The following CAST variants were observed in gnomAD, a reference collection of about 807,000 sequenced individuals.
The protein encoded by CAST is calpastatin.
Under a neutral mutation model 119.6 loss-of-function variants are expected in CAST, and 76 were observed. That is an observed-to-expected ratio of 0.64 (90% CI 0.53 to 0.77). CAST has a LOEUF of 0.77. Ranked by LOEUF, CAST falls within the 30% of genes least tolerant of loss-of-function variation. The pLI is 0.00. For synonymous variants in CAST, 319 were observed against 331.6 expected (o/e 0.96, Z 0.41); for missense variants, 953 against 946.5 (o/e 1.01, Z -0.09).
At chr5:96,726,936 C>T in intron 5 of CAST, 77 bp downstream of exon 5, 1 of 974,494 alleles carries the variant, frequency 1.0e-6, no homozygotes, top group Non-Finnish European at 1.6e-6. Context: ...CTAATAACTG[C>T]AATTCACAGT....
intron 16 of CAST, among the ~76,000 whole-genome samples, chr5:96,745,943 T>C (rs554380030): frequency 6.6e-6 from 1 of 152,350 alleles, no homozygotes; most frequent in Non-Finnish European, 1.5e-5. Context: ...AACTAACTGC[T>C]GCACTGTGCT....
intron 20 of CAST, among the ~76,000 whole-genome samples, chr5:96,753,493 C>T (rs1193614359): frequency 1.3e-5 from 2 of 152,156 alleles, no homozygotes; most frequent in African/African-American, 2.4e-5. Context: ...TTTGAACAAT[C>T]GGACCACAGG....
the CAST span, among the ~76,000 whole-genome samples, chr5:96,137,311 A>G: frequency 1.3e-5 from 2 of 152,164 alleles, no homozygotes; most frequent in Non-Finnish European, 2.9e-5. Flanking sequence ...TGTGTATATA[A>G]GATTAATACA....
At chr5:96,458,485 T>C in the CAST span, among the ~76,000 whole-genome samples, 2 of 152,158 alleles carry the variant, frequency 1.3e-5, no homozygotes, top group African/African-American at 4.8e-5. Context: ...TTTCAGGTTT[T>C]TGCCAAGGAA....
chr5:96,012,081 AATAAT>A, the CAST span, among the ~76,000 whole-genome samples: 3 of 152,152 alleles, frequency 2.0e-5, no homozygotes, highest in Non-Finnish European at 4.4e-5. Context: ...AATTCAAAAT[AATAAT>A]GTAATATACA....
At chr5:96,278,214 CCTCATCTGTGGGGGAG>C in the CAST span, among the ~76,000 whole-genome samples, 2 of 152,038 alleles carry the variant, frequency 1.3e-5, no homozygotes, top group Non-Finnish European at 2.9e-5. Flanking sequence ...TCTAGCCTTC[CCTCATCTGTGGGGGAG>C]TGGTTTGTAT....
At chr5:96,001,205 G>A in the CAST span, among the ~76,000 whole-genome samples, 4 of 152,156 alleles carry the variant, frequency 2.6e-5, no homozygotes, top group African/African-American at 9.7e-5. Flanking sequence ...ACACTGTGAG[G>A]CACTCTTAAG....
At chr5:96,497,523 T>C in the CAST span, among the ~76,000 whole-genome samples, 1 of 151,864 alleles carries the variant, frequency 6.6e-6, no homozygotes, top group South Asian at 2.1e-4. Context: ...CCAGCACCTG[T>C]TGTTTCCTGA....
chr5:96,588,157 A>G (rs1377839155), intron 1 of CAST, among the ~76,000 whole-genome samples: 2 of 147,434 alleles, frequency 1.4e-5, no homozygotes, highest in Non-Finnish European at 3.0e-5. Context: ...GTTATAAGCC[A>G]TGTTAAATTC....
intron 1 of CAST, among the ~76,000 whole-genome samples, chr5:96,535,125 A>C (rs1195589551): frequency 6.6e-6 from 1 of 152,212 alleles, no homozygotes; most frequent in Non-Finnish European, 1.5e-5. Flanking sequence ...TAAATTCAAT[A>C]AATACAGAAA....
At chr5:96,430,119 A>T in the CAST span, among the ~76,000 whole-genome samples, 1 of 152,174 alleles carries the variant, frequency 6.6e-6, no homozygotes, top group East Asian at 1.9e-4. Flanking sequence ...TTGATTTTCC[A>T]CTAATTCAAG....
At chr5:96,708,581 C>T (rs1014661627) in intron 3 of CAST, among the ~76,000 whole-genome samples, 2 of 152,120 alleles carry the variant, frequency 1.3e-5, no homozygotes, top group African/African-American at 2.4e-5. Context: ...GCCTTGACCC[C>T]CTGGGATCAG....
At chr5:96,393,043 C>T in the CAST span, 1 of 1,614,102 alleles carries the variant, frequency 6.2e-7, no homozygotes, top group Non-Finnish European at 8.5e-7. Context: ...CTTGAAGCAG[C>T]CGGTCGTCTC....
chr5:96,251,988 G>A, the CAST span, among the ~76,000 whole-genome samples: 7 of 152,192 alleles, frequency 4.6e-5, no homozygotes, highest in Non-Finnish European at 8.8e-5. Flanking sequence ...TTTCCCAAAG[G>A]CTTGTCTTTC....
At chr5:96,601,052 C>G (rs1050326199) in intron 1 of CAST, among the ~76,000 whole-genome samples, 1 of 152,082 alleles carries the variant, frequency 6.6e-6, no homozygotes, top group African/African-American at 2.4e-5. Flanking sequence ...TGATGTGACT[C>G]CTTTTGTTTC....
At chr5:96,612,439 G>A (rs1255516475) in intron 1 of CAST, among the ~76,000 whole-genome samples, 2 of 152,142 alleles carry the variant, frequency 1.3e-5, no homozygotes, top group East Asian at 3.8e-4. Context: ...CAGGGAGGGA[G>A]GAAAGAGAGC....
the CAST span, among the ~76,000 whole-genome samples, chr5:96,196,542 G>T: frequency 1.3e-5 from 2 of 152,118 alleles, no homozygotes; most frequent in African/African-American, 4.8e-5. Context: ...TTATAGATGG[G>T]GTAGTTTGAA....
the CAST span, among the ~76,000 whole-genome samples, chr5:96,506,324 A>AGTT: frequency 6.6e-6 from 1 of 152,232 alleles, no homozygotes; most frequent in Non-Finnish European, 1.5e-5. Context: ...CTAATGTTTT[A>AGTT]AAGAGCTAAG....
chr5:96,152,030 G>A, the CAST span, among the ~76,000 whole-genome samples: 1 of 152,146 alleles, frequency 6.6e-6, no homozygotes, highest in Non-Finnish European at 1.5e-5. Context: ...GAAACACAGA[G>A]CTCACATGAC....
Sources: gnomAD v4.1 joint callset for allele counts (sites outside exome capture counted in the v4.1 genomes callset) on GRCh38, gnomAD v4.1.1 for gene constraint, MANE v1.5 for transcripts, NCBI Gene and HGNC (gene_info 2026-07-23, HGNC 2026-07-21) for gene names.